The following CADM2 variants were observed in gnomAD, a reference collection of about 807,000 sequenced individuals.
CADM2 encodes immunoglobulin superfamily member 4D.
CADM2 carries 12 observed loss-of-function variants against 49.8 expected under a neutral mutation model. The observed-to-expected ratio is 0.24, with a 90% CI of 0.15 to 0.39. The LOEUF is 0.39. CADM2 is among the 10% of genes least tolerant of loss of function. The pLI, the probability that CADM2 is intolerant of heterozygous loss-of-function variation, is 1.00. For missense variants in CADM2, 378 were observed against 492.3 expected (o/e 0.77, Z 2.20); for synonymous variants, 214 against 175.4 (o/e 1.22, Z -1.74).
At chr3:85,013,718 C>T (rs1414646182) in intron 1 of CADM2, among the ~76,000 whole-genome samples, 1 of 150,190 alleles carries the variant, frequency 6.7e-6, no homozygotes, top group Non-Finnish European at 1.5e-5. Context: ...ATTAGTCCCT[C>T]CTTGTCCCAT....
chr3:85,979,147 T>A (rs1727156504), intron 8 of CADM2: 1 of 1,605,292 alleles, frequency 6.2e-7, no homozygotes, highest in Non-Finnish European at 8.5e-7. Context: ...TGTTTATATT[T>A]TTTTTCCACT....
At chr3:85,325,697 A>AG (rs1294466411) in intron 1 of CADM2, among the ~76,000 whole-genome samples, 1 of 151,812 alleles carries the variant, frequency 6.6e-6, no homozygotes, top group Non-Finnish European at 1.5e-5. Flanking sequence ...TCAAAAAAAA[A>AG]AAAAAAAAAA....
Position 85,748,791 on chromosome 3 carries a change from A to T in CADM2, c.88+22243A>T, listed in dbSNP as rs533010216. ...CTTTTATCTTTCTAAACTGTAAGGA[A>T]CTTTACTAGTTCTTAATATAGCAAC... On this transcript the variant is annotated intron_variant, in intron 2 of 9. Transcript: ENST00000383699. Among the ~76,000 whole-genome samples the T allele has an allele frequency of 4.6e-5, 7 of 151,726 alleles. No individual in the cohort carries two copies. The East Asian group carries it at 1.2e-3, about 25-fold the overall frequency.
At chr3:85,605,391 A>AT (rs950453650) in intron 1 of CADM2, among the ~76,000 whole-genome samples, 1 of 152,052 alleles carries the variant, frequency 6.6e-6, no homozygotes, top group African/African-American at 2.4e-5. Flanking sequence ...TAAAAGTGCC[A>AT]TTAAGAACTT....
intron 1 of CADM2, among the ~76,000 whole-genome samples, chr3:85,403,384 C>T (rs1305917735): frequency 6.6e-6 from 1 of 152,090 alleles, no homozygotes; most frequent in African/African-American, 2.4e-5. Context: ...GCATTTCTTG[C>T]ACTTATGTTA....
intron 1 of CADM2, among the ~76,000 whole-genome samples, chr3:85,294,364 C>T (rs1192844354): frequency 2.6e-5 from 4 of 151,886 alleles, no homozygotes; most frequent in Admixed American, 1.3e-4. Context: ...GCCATACTGC[C>T]CAAGGTAATT....
intron 1 of CADM2, among the ~76,000 whole-genome samples, chr3:85,551,306 T>C (rs757186721): frequency 2.0e-5 from 3 of 152,170 alleles, no homozygotes; most frequent in Admixed American, 6.5e-5. Flanking sequence ...TTAGCAATCC[T>C]TCAGCAATTC....
At chr3:85,761,501 C>T (rs946756779) in intron 2 of CADM2, among the ~76,000 whole-genome samples, 5 of 151,108 alleles carry the variant, frequency 3.3e-5, no homozygotes, top group South Asian at 2.1e-4. Context: ...CTCAGCCTCC[C>T]GAGTAGCTGG....
intron 1 of CADM2, among the ~76,000 whole-genome samples, chr3:85,149,348 A>G (rs2039849217): frequency 6.6e-6 from 1 of 152,162 alleles, no homozygotes; most frequent in Non-Finnish European, 1.5e-5. Flanking sequence ...ATTGTGAGCC[A>G]ATACTCTTCA....
At chr3:85,659,499 A>G (rs1020897182) in intron 1 of CADM2, among the ~76,000 whole-genome samples, 10 of 152,122 alleles carry the variant, frequency 6.6e-5, no homozygotes, top group African/African-American at 2.2e-4. Context: ...GCAGAAATAT[A>G]CACGCTCAGA....
At chr3:85,328,881 G>T (rs1576357621) in intron 1 of CADM2, among the ~76,000 whole-genome samples, 1 of 137,646 alleles carries the variant, frequency 7.3e-6, no homozygotes, top group Non-Finnish European at 1.5e-5. Flanking sequence ...CATTTTATAG[G>T]TTAAATCATG....
At chr3:85,987,754 C>T (rs1728295169) in intron 8 of CADM2, among the ~76,000 whole-genome samples, 1 of 147,920 alleles carries the variant, frequency 6.8e-6, no homozygotes, top group Admixed American at 6.8e-5. Flanking sequence ...ACTATGTTTC[C>T]TATGAAATAT....
intron 1 of CADM2, among the ~76,000 whole-genome samples, chr3:85,150,189 T>C (rs1448279930): frequency 1.3e-5 from 2 of 152,176 alleles, no homozygotes; most frequent in Non-Finnish European, 2.9e-5. Flanking sequence ...TGAAAGGTTT[T>C]AGAGGATGAC....
intron 1 of CADM2, among the ~76,000 whole-genome samples, chr3:85,359,454 T>C (rs2032145547): frequency 6.6e-6 from 1 of 151,076 alleles, no homozygotes; most frequent in Non-Finnish European, 1.5e-5. Context: ...AAATCAGGTA[T>C]GGCAAGTTGT....
In CADM2 at chr3:85,912,367, T is replaced by C; in HGVS notation, c.530-6T>C. ...TCACATTTTAAAATTCATATTTTATTTTCAGATGTAAAATATTTAAAAGAA... is the reference window on the plus strand; with the variant it reads ...TCACATTTTAAAATTCATATTTTATCTTCAGATGTAAAATATTTAAAAGAA... On this transcript the variant is annotated splice_region_variant and splice_polypyrimidine_tract_variant and intron_variant, in intron 5 of 9. Transcript: ENST00000383699. 1.9e-6 allele frequency: 3 copies of C among 1,594,586 alleles called. No individual in the cohort carries two copies. The African/African-American group carries it at 4.1e-5, about 22-fold the overall frequency.
At chr3:85,053,102 A>G (rs969887164) in intron 1 of CADM2, among the ~76,000 whole-genome samples, 2 of 152,090 alleles carry the variant, frequency 1.3e-5, no homozygotes, top group Admixed American at 6.6e-5. Context: ...ATGATTCAAA[A>G]TTGCTAATGA....
At chr3:85,723,890 G>A (rs1200821360) in intron 1 of CADM2, among the ~76,000 whole-genome samples, 4 of 151,960 alleles carry the variant, frequency 2.6e-5, no homozygotes, top group African/African-American at 9.7e-5. Context: ...AATTTTTCAA[G>A]TGATGAATTT....
chr3:85,122,271 A>C (rs2038890189), intron 1 of CADM2, among the ~76,000 whole-genome samples: 1 of 152,124 alleles, frequency 6.6e-6, no homozygotes, highest in Non-Finnish European at 1.5e-5. Flanking sequence ...TTTCGTTTTC[A>C]TCCTCAAGAC....
chr3:85,723,832 T>A (rs1019774274), intron 1 of CADM2, among the ~76,000 whole-genome samples: 3 of 152,038 alleles, frequency 2.0e-5, no homozygotes, highest in African/African-American at 7.2e-5. Flanking sequence ...TTATTATTGT[T>A]CCAAAACTTT....
Sources: gnomAD v4.1 joint callset for allele counts (sites outside exome capture counted in the v4.1 genomes callset) on GRCh38, gnomAD v4.1.1 for gene constraint, MANE v1.5 for transcripts, NCBI Gene and HGNC (gene_info 2026-07-23, HGNC 2026-07-21) for gene names.